Variants in VPS50 observed in about 807,000 individuals in gnomAD.
VPS50 encodes syndetin.
A neutral mutation model predicts 139.7 loss-of-function variants in VPS50; 70 were observed. That is an observed-to-expected ratio of 0.50 (90% CI 0.41 to 0.61). The LOEUF (loss-of-function observed/expected upper bound fraction) is 0.61, where lower values mean the gene tolerates loss of function less well. VPS50 is among the 20% of genes least tolerant of loss of function. The pLI is 0.00. For synonymous variants in VPS50, 365 were observed against 376.7 expected, an observed-to-expected ratio of 0.97 and a Z score of 0.36; for missense variants, 921 against 1,133.7, an observed-to-expected ratio of 0.81 and a Z score of 2.69.
chr7:93,294,402 T>C lies in VPS50; in HGVS notation c.1076-143T>C, dbSNP rs115735242. 5.4e-3 allele frequency: 3,749 copies of C among 697,058 alleles called. 122 individuals are homozygous for C. In the African/African-American group the frequency reaches 0.063, roughly 12 times the overall value. 43.2% of individuals were successfully genotyped at this position (697,058 alleles called of 1,614,324 possible). On this transcript the variant is annotated intron_variant, in intron 13 of 27. Transcript: ENST00000305866. ...TTTAAGTCTAATACCTATTGTTTGA[T>C]ATTGTTTTGATTGTATAAATATCAA...
intron 14 of VPS50, among the ~76,000 whole-genome samples, chr7:93,296,065 T>C (rs1011643332): frequency 6.6e-6 from 1 of 152,300 alleles, no homozygotes; most frequent in South Asian, 2.1e-4. Flanking sequence ...AAAAATTGTT[T>C]AGGAAAATAT....
intron 9 of VPS50, among the ~76,000 whole-genome samples, chr7:93,264,896 G>T (rs1795794946): frequency 6.6e-6 from 1 of 152,098 alleles, no homozygotes; most frequent in Non-Finnish European, 1.5e-5. Flanking sequence ...AGTGCTTGTT[G>T]GTTGGTCAGC....
At chr7:93,298,289 G>T (rs753337356) in intron 16 of VPS50, among the ~76,000 whole-genome samples, 2 of 152,054 alleles carry the variant, frequency 1.3e-5, no homozygotes, top group Non-Finnish European at 2.9e-5. Flanking sequence ...CAGTGGGAAG[G>T]GACCAACAGG....
At chr7:93,301,503 C>T (rs1796974483) in intron 16 of VPS50, among the ~76,000 whole-genome samples, 1 of 151,848 alleles carries the variant, frequency 6.6e-6, no homozygotes, top group Admixed American at 6.6e-5. Context: ...TTTTTTATGC[C>T]TAGGGTTGAC....
intron 9 of VPS50, among the ~76,000 whole-genome samples, chr7:93,269,581 C>A (rs1164830156): frequency 2.0e-5 from 3 of 152,056 alleles, no homozygotes; most frequent in Admixed American, 2.0e-4. Context: ...GCTTGTATTA[C>A]ATTGGTTTTA....
chr7:93,346,822 A>G (rs1158795332), intron 23 of VPS50, among the ~76,000 whole-genome samples: 1 of 136,212 alleles, frequency 7.3e-6, no homozygotes, highest in Non-Finnish European at 1.5e-5. Context: ...ACAAAAATCA[A>G]TTCAAGATGG....
chr7:93,360,829 TCAAA>T lies in VPS50; in HGVS notation c.*2394_*2397del, dbSNP rs1403861483. On this transcript the variant is annotated 3_prime_UTR_variant, in exon 28 of 28. Transcript: ENST00000305866. ...AAATGCTAGGGGGGCACATAGCAAT[TCAAA>T]TGAACTAGTTTGCTTTGGTTTATAA... is the stretch of plus-strand genomic sequence containing the variant. 3 of 152,050 alleles carry T rather than the reference TCAAA, an allele frequency of 2.0e-5. No individual in the cohort carries two copies. Among genetic ancestry groups the T allele is most frequent in the African/African-American group, 7.2e-5 (3 of 41,422 alleles). The allele number at this position is 152,050 out of a possible 1,614,324, so 9.4% of individuals were successfully genotyped here.
Position 93,258,173 on chromosome 7 carries a change from CA to C in VPS50, c.440del (p.Lys147ArgfsTer9). On this transcript the variant is annotated frameshift_variant, in exon 7 of 28. Coordinates refer to ENST00000305866, the MANE Select transcript of VPS50 (RefSeq NM_017667.4). LOFTEE classifies it high-confidence loss of function. ...CACTTTTGCAGACACTTGAATATTG[CA>C]AAGGAAGGTTTTACTCAAGCTAGTT... ...CTNGRRHLNI[A>X]KEGFTQASLG... 1 of 1,522,942 alleles carries C rather than the reference CA, an allele frequency of 6.6e-7. No individual in the cohort carries two copies. 94.3% of individuals were successfully genotyped at this position (1,522,942 alleles called of 1,614,324 possible).
intron 22 of VPS50, among the ~76,000 whole-genome samples, chr7:93,339,675 T>C (rs891353359): frequency 1.3e-5 from 2 of 152,200 alleles, no homozygotes; most frequent in Non-Finnish European, 2.9e-5. Context: ...GAGATAACCA[T>C]GGAGTGTTTT....
intron 15 of VPS50, 58 bp downstream of exon 15, chr7:93,296,894 A>G: frequency 1.3e-6 from 2 of 1,526,656 alleles, no homozygotes; most frequent in Non-Finnish European, 8.7e-7. Context: ...ATGATAAATC[A>G]TGAGCTAGTG....
chr7:93,235,392 C>T (rs1021012794), intron 1 of VPS50, among the ~76,000 whole-genome samples: 4 of 152,268 alleles, frequency 2.6e-5, no homozygotes, highest in African/African-American at 9.6e-5. Context: ...TTGGACATAA[C>T]ACTTCAGACA....
At chr7:93,326,283 T>A (rs1797770367) in intron 21 of VPS50, among the ~76,000 whole-genome samples, 1 of 109,552 alleles carries the variant, frequency 9.1e-6, no homozygotes, top group East Asian at 2.6e-4. Context: ...AACATCACAC[T>A]CTGGGGACTG....
At chr7:93,324,318 C>G (rs1411632274) in intron 21 of VPS50, among the ~76,000 whole-genome samples, 1 of 152,182 alleles carries the variant, frequency 6.6e-6, no homozygotes, top group Non-Finnish European at 1.5e-5. Context: ...GAACTTCCAA[C>G]ACTATGTTGA....
intron 11 of VPS50, among the ~76,000 whole-genome samples, chr7:93,274,335 C>T (rs988133815): frequency 6.6e-6 from 1 of 152,096 alleles, no homozygotes; most frequent in Admixed American, 6.6e-5. Flanking sequence ...CAGGTTGACT[C>T]TCTTATTAGG....
chr7:93,235,288 G>A (rs1794765977), intron 1 of VPS50, among the ~76,000 whole-genome samples: 2 of 152,186 alleles, frequency 1.3e-5, no homozygotes, highest in African/African-American at 4.8e-5. Context: ...TTAGATGACT[G>A]AAGGCAGGAA....
chr7:93,262,167 T>C (rs570756864), intron 9 of VPS50, among the ~76,000 whole-genome samples: 100 of 152,306 alleles, frequency 6.6e-4, no homozygotes, highest in Middle Eastern at 3.4e-3. Context: ...CACTGTCTGT[T>C]ATAATAGGAA....
intron 1 of VPS50, among the ~76,000 whole-genome samples, chr7:93,237,269 A>G (rs1355457733): frequency 6.6e-6 from 1 of 152,032 alleles, no homozygotes; most frequent in Non-Finnish European, 1.5e-5. Flanking sequence ...TTTACTTCTT[A>G]TAATAGCCTA....
chr7:93,314,076 C>T (rs1456487773), intron 20 of VPS50, among the ~76,000 whole-genome samples: 1 of 152,142 alleles, frequency 6.6e-6, no homozygotes, highest in Non-Finnish European at 1.5e-5. Flanking sequence ...TCAGAGGCCT[C>T]TGACTAGCAA....
Position 93,341,575 on chromosome 7 carries a change from T to G in VPS50, c.2207T>G (p.Leu736Trp), listed in dbSNP as rs1438858080. The change falls in exon 23 of 28, where the codon TTG becomes TGG. Residue 736 changes from leucine (L) to tryptophan (W), a missense_variant and splice_region_variant. By Grantham distance (61) the Leu-to-Trp change is moderately conservative. Transcript: ENST00000305866. ...LAERVVATES[L>W]VFLAEQFEFL... Reference sequence around the variant, plus strand: ...GAAAGAGTGGTAGCCACGGAATCCTTGTAAGTTGTTCAAAACAGTTGCGTT... The same window carrying G: ...GAAAGAGTGGTAGCCACGGAATCCTGGTAAGTTGTTCAAAACAGTTGCGTT... 1.9e-6 allele frequency: 3 copies of G among 1,594,958 alleles called. No individual in the cohort carries two copies. The highest frequency in any genetic ancestry group is 1.7e-6 in the Non-Finnish European group (2 of 1,173,602).
Sources: gnomAD v4.1 joint callset for allele counts (sites outside exome capture counted in the v4.1 genomes callset) on GRCh38, gnomAD v4.1.1 for gene constraint, MANE v1.5 for transcripts, NCBI Gene and HGNC (gene_info 2026-07-23, HGNC 2026-07-21) for gene names.